ERG: variants seen among roughly 807,000 people sequenced by gnomAD.
The protein encoded by ERG is transcriptional regulator ERG.
Under a neutral mutation model 55.3 loss-of-function variants are expected in ERG, and 9 were observed. That is an observed-to-expected ratio of 0.16 (90% CI 0.10 to 0.28). The LOEUF is 0.28. Among genes scored for constraint, ERG ranks in the 10% least tolerant of loss-of-function variants. ERG has a pLI of 1.00. For synonymous variants in ERG, 223 were observed against 237.3 expected, an observed-to-expected ratio of 0.94 and a Z score of 0.55; for missense variants, 434 against 631.6, an observed-to-expected ratio of 0.69 and a Z score of 3.35.
intron 9 of ERG, 85 bp from the exon 10 acceptor site, chr21:38,384,008 C>T (rs1314897256): frequency 1.2e-5 from 18 of 1,506,594 alleles, no homozygotes; most frequent in Non-Finnish European, 1.6e-5. Flanking sequence ...GAAGGAGGTG[C>T]TATTGGTGTG....
intron 2 of ERG, among the ~76,000 whole-genome samples, chr21:38,435,343 C>G (rs79393436): frequency 0.012 from 1,761 of 152,220 alleles, 35 homozygotes; most frequent in African/African-American, 0.039. Context: ...TTGTCTGGAG[C>G]GCTGCAGGGT....
chr21:38,567,558 G>C (rs1263776032), intron 2 of ERG, among the ~76,000 whole-genome samples: 1 of 152,170 alleles, frequency 6.6e-6, no homozygotes, highest in African/African-American at 2.4e-5. Flanking sequence ...ACTTACATCA[G>C]CTTCATAGTA....
chr21:38,437,396 C>A (rs1003303803), intron 2 of ERG, among the ~76,000 whole-genome samples: 1 of 152,308 alleles, frequency 6.6e-6, no homozygotes, highest in South Asian at 2.1e-4. Flanking sequence ...CCTCTACCCA[C>A]CAGACACCAG....
intron 2 of ERG, among the ~76,000 whole-genome samples, chr21:38,560,385 G>A (rs543982671): frequency 6.6e-6 from 1 of 152,074 alleles, no homozygotes; most frequent in African/African-American, 2.4e-5. Context: ...CCTCATCCCA[G>A]ACAGCCCTGA....
chr21:38,454,799 G>T (rs1569112228), intron 1 of ERG, among the ~76,000 whole-genome samples: 1 of 152,150 alleles, frequency 6.6e-6, no homozygotes, highest in South Asian at 2.1e-4. Context: ...CTTATTTTTT[G>T]TAAGTACTGG....
At chr21:38,634,046 G>A (rs193234415) in intron 1 of ERG, among the ~76,000 whole-genome samples, 6 of 151,994 alleles carry the variant, frequency 3.9e-5, no homozygotes, top group South Asian at 2.1e-4. Flanking sequence ...AAAATAATAC[G>A]TCCACAAAAA....
At chr21:38,632,636 A>G (rs1321038404) in intron 1 of ERG, among the ~76,000 whole-genome samples, 1 of 152,212 alleles carries the variant, frequency 6.6e-6, no homozygotes, top group South Asian at 2.1e-4. Flanking sequence ...GCCTGCTGCC[A>G]TGTAAGATGT....
intron 1 of ERG, among the ~76,000 whole-genome samples, chr21:38,476,859 G>T (rs1419323908): frequency 6.6e-6 from 1 of 152,082 alleles, no homozygotes; most frequent in Non-Finnish European, 1.5e-5. Context: ...GTGGGCTGAG[G>T]TTATTAGCGT....
chr21:38,393,535 G>C (rs952293238), intron 6 of ERG, among the ~76,000 whole-genome samples: 3 of 152,228 alleles, frequency 2.0e-5, no homozygotes, highest in Admixed American at 6.5e-5. Context: ...ACCAGGAGAT[G>C]TGTACAAAAT....
At chr21:38,511,809 T>C (rs140997203) in intron 2 of ERG, among the ~76,000 whole-genome samples, 1 of 152,194 alleles carries the variant, frequency 6.6e-6, no homozygotes, top group African/African-American at 2.4e-5. Context: ...GGCTGCCCTG[T>C]GCATGGCAGG....
At chr21:38,567,183 G>A (rs1277517793) in intron 2 of ERG, among the ~76,000 whole-genome samples, 2 of 152,152 alleles carry the variant, frequency 1.3e-5, no homozygotes, top group Non-Finnish European at 2.9e-5. Flanking sequence ...GCACCGCATT[G>A]GAATCTGGCC....
chr21:38,369,876 A>T, the ERG span, among the ~76,000 whole-genome samples: 1 of 152,136 alleles, frequency 6.6e-6, no homozygotes, highest in Non-Finnish European at 1.5e-5. Context: ...TGAACAGGGA[A>T]TCCTTTCCCC....
At chr21:38,444,942 A>G (rs762641591) in intron 2 of ERG, among the ~76,000 whole-genome samples, 13 of 152,104 alleles carry the variant, frequency 8.5e-5, no homozygotes, top group Non-Finnish European at 1.6e-4. Context: ...GAATTCTGCC[A>G]TATGTGGGCA....
chr21:38,596,304 A>T (rs2060131142), intron 1 of ERG, among the ~76,000 whole-genome samples: 1 of 152,198 alleles, frequency 6.6e-6, no homozygotes, highest in Non-Finnish European at 1.5e-5. Context: ...GCATGTGAAG[A>T]TCACAGGTAG....
rs1324713419 is a variant in ERG at position 38,423,399 on chromosome 21, G to A, written c.388+11C>T. On this transcript the variant is annotated intron_variant, in intron 3 of 9. Coordinates refer to ENST00000288319, the MANE Select transcript of ERG (RefSeq NM_182918.4). The stretch of plus-strand genomic sequence containing the variant: ...GATCTGCCGAGGGCAGTGAAGCTGT[G>A]GGCACCTGACCTGCTGGCACGATAA... 1.2e-6 allele frequency: 2 copies of A among 1,608,292 alleles called. No homozygotes were observed. Among genetic ancestry groups the A allele is most frequent in the Admixed American group, 3.3e-5 (2 of 59,766 alleles).
At chr21:38,638,420 C>A (rs1051088303) in intron 1 of ERG, among the ~76,000 whole-genome samples, 1 of 152,204 alleles carries the variant, frequency 6.6e-6, no homozygotes, top group African/African-American at 2.4e-5. Flanking sequence ...ACTCATCCAA[C>A]AAGACTTGCA....
At chr21:38,476,967 A>G (rs575443083) in intron 1 of ERG, among the ~76,000 whole-genome samples, 1 of 151,318 alleles carries the variant, frequency 6.6e-6, no homozygotes, top group African/African-American at 2.4e-5. Flanking sequence ...TAGGAACACA[A>G]CTTGATGCTT....
chr21:38,457,961 A>G (rs573890711), intron 1 of ERG, among the ~76,000 whole-genome samples: 11 of 152,232 alleles, frequency 7.2e-5, no homozygotes, highest in Non-Finnish European at 1.3e-4. Flanking sequence ...ACTTGTCGCT[A>G]TTTATTTGTG....
At chr21:38,536,025 G>A (rs931882445) in intron 2 of ERG, among the ~76,000 whole-genome samples, 2 of 152,002 alleles carry the variant, frequency 1.3e-5, no homozygotes, top group African/African-American at 4.8e-5. Context: ...CCAATCTTGG[G>A]TTATTACATC....
Sources: allele counts gnomAD v4.1 joint callset (sites outside exome capture counted in the v4.1 genomes callset), GRCh38; gene constraint gnomAD v4.1.1; transcripts MANE v1.5; gene names NCBI Gene and HGNC (gene_info 2026-07-23, HGNC 2026-07-21).